RFX6: variants seen among roughly 807,000 people sequenced by gnomAD.
RFX6 encodes regulatory factor X6.
In RFX6, 50 loss-of-function variants were observed where a neutral mutation model predicts 110.8. The observed-to-expected ratio is 0.45, with a 90% CI of 0.36 to 0.57. RFX6 has a LOEUF of 0.57. Ranked by LOEUF, RFX6 falls within the 20% of genes least tolerant of loss-of-function variation. RFX6 has a pLI of 0.00. For synonymous variants in RFX6, 383 were observed against 411.2 expected, an observed-to-expected ratio of 0.93 and a Z score of 0.83; for missense variants, 990 against 1,127.0, an observed-to-expected ratio of 0.88 and a Z score of 1.74.
intron 2 of RFX6, among the ~76,000 whole-genome samples, chr6:116,878,609 T>C (rs973798969): frequency 5.3e-5 from 8 of 151,966 alleles, no homozygotes; most frequent in Admixed American, 4.6e-4. Context: ...GTAATATCTA[T>C]CTAAAAGAAA....
chr6:116,920,056 A>G (rs1450045559), intron 11 of RFX6, among the ~76,000 whole-genome samples: 5 of 152,214 alleles, frequency 3.3e-5, no homozygotes, highest in Non-Finnish European at 7.3e-5. Flanking sequence ...CAGGTTTGTT[A>G]CATATGTATA....
intron 7 of RFX6, among the ~76,000 whole-genome samples, chr6:116,915,751 T>C (rs1775448056): frequency 6.6e-6 from 1 of 152,142 alleles, no homozygotes; most frequent in South Asian, 2.1e-4. Flanking sequence ...AAAACTAGGA[T>C]GTTACTTTGG....
intron 4 of RFX6, among the ~76,000 whole-genome samples, chr6:116,891,977 G>A (rs887739254): frequency 1.3e-5 from 2 of 151,780 alleles, no homozygotes; most frequent in African/African-American, 2.4e-5. Flanking sequence ...AGTTATGATG[G>A]TCCTTTTTTC....
chr6:116,905,861 A>G (rs1360261672), intron 6 of RFX6, among the ~76,000 whole-genome samples: 1 of 152,094 alleles, frequency 6.6e-6, no homozygotes, highest in Non-Finnish European at 1.5e-5. Context: ...TTTATGAAGT[A>G]CAATTTGTGT....
intron 4 of RFX6, among the ~76,000 whole-genome samples, chr6:116,890,893 G>C (rs1223977991): frequency 1.3e-5 from 2 of 152,070 alleles, no homozygotes. Context: ...ACAGGAATAA[G>C]GGGGCCAAAT....
Position 116,919,203 on chromosome 6 carries a change from C to G in RFX6, c.1089C>G (p.Asn363Lys). Residue 363 changes from asparagine to lysine, a missense_variant, in exon 11 of 19, where the codon AAC (asparagine) becomes AAG (lysine). Transcript: ENST00000332958. ...WEQWVVSSLE[N>K]LPEALTDKKI... ...AGTGGGTTGTTTCATCCTTGGAAAA[C>G]TTGCCAGAAGCTCTAACTGACAAGA... The G allele has an allele frequency of 6.2e-7, 1 of 1,613,600 alleles. No homozygotes were observed. Among genetic ancestry groups the G allele is most frequent in the Non-Finnish European group, 8.5e-7 (1 of 1,179,620 alleles).
intron 6 of RFX6, among the ~76,000 whole-genome samples, chr6:116,896,771 T>G (rs1409946630): frequency 1.3e-5 from 2 of 152,186 alleles, no homozygotes; most frequent in East Asian, 3.8e-4. Context: ...TGACTTTCAG[T>G]GCAAATCTTC....
At chr6:116,930,946 G>A (rs1242022316) in intron 18 of RFX6, among the ~76,000 whole-genome samples, 1 of 152,126 alleles carries the variant, frequency 6.6e-6, no homozygotes, top group Non-Finnish European at 1.5e-5. Flanking sequence ...GGGAAGGTGA[G>A]TGGGTGAAAC....
At chr6:116,923,878 A>C (rs1775655622) in intron 14 of RFX6, among the ~76,000 whole-genome samples, 3 of 152,358 alleles carry the variant, frequency 2.0e-5, no homozygotes, top group South Asian at 4.1e-4. Flanking sequence ...ACTCATGAGT[A>C]GTAACTCTGC....
intron 6 of RFX6, among the ~76,000 whole-genome samples, chr6:116,902,590 T>C (rs1775099634): frequency 6.6e-6 from 1 of 152,044 alleles, no homozygotes; most frequent in South Asian, 2.1e-4. Context: ...CAAAGAAAGC[T>C]TTTCTTTTCC....
chr6:116,927,096 G>T lies in RFX6; in HGVS notation c.1955G>T (p.Arg652Leu). The change falls in exon 17 of 19, where the codon CGA (arginine) becomes CTA (leucine). Residue 652 changes from arginine to leucine, a missense_variant. Physicochemically the swap from Arg to Leu is moderately radical, Grantham distance 102. Around this residue, in one of 5 missense-constraint regions of RFX6, gnomAD observed 438 missense variants for 441.9 expected, o/e 0.99. Coordinates refer to ENST00000332958, the MANE Select transcript of RFX6 (RefSeq NM_173560.4). ...CCCATTTCTCCAGCCATGGCAAGCC[G>T]AGGAAGTGTCATTAACCAAGGACCA... ...TPPISPAMASRGSVINQGPMA... is the reference protein window; with the variant it reads ...TPPISPAMASLGSVINQGPMA... The T allele has an allele frequency of 6.2e-7, 1 of 1,613,956 alleles. No individual in the cohort carries two copies. Among genetic ancestry groups the T allele is most frequent in the Non-Finnish European group, 8.5e-7 (1 of 1,179,880 alleles).
At chr6:116,918,848 A>G (rs1775530692) in intron 10 of RFX6, among the ~76,000 whole-genome samples, 1 of 152,152 alleles carries the variant, frequency 6.6e-6, no homozygotes, top group Admixed American at 6.5e-5. Flanking sequence ...TTAAATATCT[A>G]TTCTGTACTC....
Position 116,883,259 on chromosome 6 carries a change from G to C in RFX6, c.566+831G>C, listed in dbSNP as rs548593069. Among the ~76,000 whole-genome samples, 57 of 152,184 alleles carry C rather than the reference G, an allele frequency of 3.7e-4. No homozygotes were observed. The South Asian group carries it at 5.4e-3, about 14-fold the overall frequency. The stretch of plus-strand genomic sequence containing the variant: ...CTGTTACTCATCTTCCTTGGCTCCT[G>C]CTTAGCATTTGAACCAACTGATAAT... On this transcript the variant is annotated intron_variant, in intron 4 of 18. Transcript: ENST00000332958.
intron 6 of RFX6, 67 bp from the exon 7 acceptor site, chr6:116,910,868 C>G: frequency 9.4e-7 from 1 of 1,067,252 alleles, no homozygotes; most frequent in Non-Finnish European, 1.5e-6. Context: ...TTGTATTTTA[C>G]TAGAATAGTA....
chr6:116,895,131 A>G (rs1452530659), intron 5 of RFX6, 49 bp from the exon 6 acceptor site: 2 of 991,096 alleles, frequency 2.0e-6, no homozygotes, highest in African/African-American at 1.6e-5. Flanking sequence ...ATTGAATGCT[A>G]TAGCTGTAAT....
intron 6 of RFX6, among the ~76,000 whole-genome samples, chr6:116,904,215 C>T (rs1562139935): frequency 6.6e-6 from 1 of 151,870 alleles, no homozygotes; most frequent in African/African-American, 2.4e-5. Flanking sequence ...CAGATCATAT[C>T]GTTTTTTATT....
chr6:116,896,053 A>G (rs938037164), intron 6 of RFX6, among the ~76,000 whole-genome samples: 4 of 152,204 alleles, frequency 2.6e-5, no homozygotes, highest in Admixed American at 2.0e-4. Flanking sequence ...TTTATCAATG[A>G]AATAATAGCT....
At chr6:116,908,191 A>G (rs959938322) in intron 6 of RFX6, among the ~76,000 whole-genome samples, 7 of 152,058 alleles carry the variant, frequency 4.6e-5, no homozygotes, top group African/African-American at 1.7e-4. Context: ...CCACTATTCT[A>G]TTCTCTAAGT....
intron 6 of RFX6, among the ~76,000 whole-genome samples, chr6:116,907,384 C>T (rs140873842): frequency 6.6e-6 from 1 of 152,170 alleles, no homozygotes; most frequent in East Asian, 1.9e-4. Flanking sequence ...GAATAAGTTA[C>T]AAAGTACTCC....
Sources: gnomAD v4.1 joint callset for allele counts (sites outside exome capture counted in the v4.1 genomes callset) on GRCh38, gnomAD v4.1.1 for gene constraint, gnomAD v4.1.1 regional missense constraint, MANE v1.5 for transcripts, NCBI Gene and HGNC (gene_info 2026-07-23, HGNC 2026-07-21) for gene names.